TRMT44: variants seen among roughly 807,000 people sequenced by gnomAD.
TRMT44 encodes the protein tRNA methyltransferase 44 homolog.
A neutral mutation model predicts 77.3 loss-of-function variants in TRMT44; 78 were observed. The ratio of observed to expected loss-of-function variants is 1.01; its 90% CI spans 0.84 to 1.22. The LOEUF is 1.22. Ranked by LOEUF, TRMT44 falls within the 50% of genes most tolerant of loss-of-function variation. The probability of loss-of-function intolerance (pLI) is 0.00; values close to 1 mark genes in which losing one functional copy is unlikely to be tolerated. For synonymous variants in TRMT44, 391 were observed against 383.3 expected (o/e 1.02, Z -0.23); for missense variants, 1,090 against 964.4 (o/e 1.13, Z -1.73).
At chr4:8,482,359 C>CA (rs1266610216) in intron 2 of TRMT44, 1 of 152,288 alleles carries the variant, frequency 6.6e-6, no homozygotes, top group East Asian at 1.9e-4. Context: ...GGATGCCACT[C>CA]ACGCACACCT....
intron 6 of TRMT44, among the ~76,000 whole-genome samples, chr4:8,459,729 A>G (rs546658036): frequency 6.6e-6 from 1 of 152,320 alleles, no homozygotes; most frequent in East Asian, 1.9e-4. Flanking sequence ...AAACAGCTGT[A>G]CACATTTATC....
chr4:8,485,733 G>T (rs1343146044), intron 2 of TRMT44, among the ~76,000 whole-genome samples: 1 of 152,136 alleles, frequency 6.6e-6, no homozygotes, highest in Non-Finnish European at 1.5e-5. Flanking sequence ...AGATAATTTG[G>T]TTAAAATATC....
chr4:8,458,102 T>TCCAG lies in TRMT44; in HGVS notation c.1203+3290_1203+3293dup, dbSNP rs2095089774. On this transcript the variant is annotated intron_variant, in intron 6 of 10. Transcript: ENST00000389737. ...AGTGTGGCAGAAGGGCCCTGATTATTCCAGACTGCATTTGACTTCTTTTAT... is the reference window on the plus strand; with the variant it reads ...AGTGTGGCAGAAGGGCCCTGATTATTCCAGCCAGACTGCATTTGACTTCTTTTAT... Among the ~76,000 whole-genome samples, 7 of 152,336 alleles carry TCCAG rather than the reference T, an allele frequency of 4.6e-5. No homozygotes were observed. The South Asian group carries it at 1.2e-3, about 27-fold the overall frequency.
chr4:8,486,725 C>T (rs150659694), intron 2 of TRMT44, among the ~76,000 whole-genome samples: 1,842 of 152,112 alleles, frequency 0.012, 12 homozygotes, highest in Middle Eastern at 0.054. Flanking sequence ...CTTGACTATG[C>T]CTTTAGCTCC....
chr4:8,493,823 T>C (rs1036404563), downstream of TRMT44, among the ~76,000 whole-genome samples: 9 of 151,984 alleles, frequency 5.9e-5, no homozygotes, highest in Non-Finnish European at 5.9e-5. Flanking sequence ...TCTGGTGGAA[T>C]GGGACCTGCC....
chr4:8,482,952 C>G (rs1169377697), intron 2 of TRMT44, among the ~76,000 whole-genome samples: 2 of 151,740 alleles, frequency 1.3e-5, no homozygotes, highest in African/African-American at 4.9e-5. Context: ...TTTCTCAGGG[C>G]TGCTTCGAGT....
chr4:8,497,355 C>A (rs1021435684), downstream of TRMT44, among the ~76,000 whole-genome samples: 3 of 152,186 alleles, frequency 2.0e-5, 1 homozygote, highest in Admixed American at 2.0e-4. Context: ...TTATAAAAAC[C>A]CTGCTCTGGG....
At chr4:8,494,956 G>A (rs1357482), downstream of TRMT44, among the ~76,000 whole-genome samples, 9,063 of 152,276 alleles carry the variant, frequency 0.06, 494 homozygotes, top group African/African-American at 0.14. Flanking sequence ...CTGAAACATC[G>A]CGATGTAGTG....
At chr4:8,496,777 A>AT (rs11376419), downstream of TRMT44, among the ~76,000 whole-genome samples, 3,499 of 148,484 alleles carry the variant, frequency 0.024, 74 homozygotes, top group African/African-American at 0.055. Context: ...GAGTTCAGTG[A>AT]TTTTTTTTTT....
At position 8,441,674 on chromosome 4, in the gene TRMT44, G is replaced by A. The variant is rs570932856; in HGVS notation, c.619+233G>A. ...GCTTCAAAGAGACAGTGAAGGACTA[G>A]CTGGATATTGCGTAATACCTAGGAG... On this transcript the variant is annotated intron_variant, in intron 1 of 10. Transcript: ENST00000389737. Among the ~76,000 whole-genome samples, 132 of 152,312 alleles carry A rather than the reference G, an allele frequency of 8.7e-4. 1 individual carries two copies. The highest frequency in any genetic ancestry group is 3.1e-3 in the African/African-American group (130 of 41,570).
chr4:8,443,083 C>T (rs1291863479), intron 1 of TRMT44, among the ~76,000 whole-genome samples: 6 of 152,232 alleles, frequency 3.9e-5, no homozygotes, highest in Non-Finnish European at 8.8e-5. Context: ...ACATAGTCCC[C>T]TCTGATGGCT....
chr4:8,515,821 G>T, the TRMT44 span, among the ~76,000 whole-genome samples: 1 of 152,226 alleles, frequency 6.6e-6, no homozygotes, highest in Non-Finnish European at 1.5e-5. Context: ...CTGGTTCAGG[G>T]CTGTGCCCAC....
intron 8 of TRMT44, among the ~76,000 whole-genome samples, chr4:8,466,884 G>T (rs1005326805): frequency 6.6e-6 from 1 of 152,228 alleles, no homozygotes; most frequent in Non-Finnish European, 1.5e-5. Context: ...CTGGGTGTGT[G>T]ACAGGCACTG....
At chr4:8,503,295 G>A in the TRMT44 span, among the ~76,000 whole-genome samples, 8 of 152,230 alleles carry the variant, frequency 5.3e-5, no homozygotes, top group Admixed American at 2.6e-4. Context: ...CTACAGCCCC[G>A]GAAAGGGTGG....
chr4:8,468,183 A>C lies in TRMT44; in HGVS notation c.1764A>C (p.Gly588=), dbSNP rs1380239715. The part of the protein sequence containing the change: ...GPQAEGPWLP[G]FHPREKAERV... ...AGGCTGAAGGACCCTGGCTACCTGG[A>C]TTTCATCCCAGAGAAAAGGCTGAGC... Residue 588 remains glycine (G), a synonymous_variant, in exon 9 of 11, where the codon GGA becomes GGC. Transcript: ENST00000389737. 6 of 1,614,044 alleles carry C rather than the reference A, an allele frequency of 3.7e-6. No individual in the cohort carries two copies. Among genetic ancestry groups the C allele is most frequent in the Non-Finnish European group, 5.1e-6 (6 of 1,180,046 alleles).
chr4:8,466,436 G>A (rs1168747177), intron 8 of TRMT44, among the ~76,000 whole-genome samples: 1 of 152,238 alleles, frequency 6.6e-6, no homozygotes, highest in African/African-American at 2.4e-5. Flanking sequence ...AGCGGGGAGG[G>A]CATGTTGTGG....
Position 8,476,041 on chromosome 4 carries a change from A to T in TRMT44, c.*40A>T. Reference sequence around the variant, plus strand: ...AGCCGAGGCCTGGTTGGGGAGGCCAAACCAAGGAGAGCTTCCCCAGCAGTC... The same window carrying T: ...AGCCGAGGCCTGGTTGGGGAGGCCATACCAAGGAGAGCTTCCCCAGCAGTC... On this transcript the variant is annotated 3_prime_UTR_variant, in exon 11 of 11. Transcript: ENST00000389737. 1 of 1,588,624 alleles carries T rather than the reference A, an allele frequency of 6.3e-7. No homozygotes were observed. Among genetic ancestry groups the T allele is most frequent in the Non-Finnish European group, 8.6e-7 (1 of 1,161,666 alleles).
rs776369924 is a variant in TRMT44, at chr4:8,475,833, A to G, written c.2106A>G (p.Gln702=). Residue 702 remains glutamine (Q), a synonymous_variant, in exon 11 of 11, where the codon CAA becomes CAG. Coordinates refer to ENST00000389737, the MANE Select transcript of TRMT44 (RefSeq NM_152544.3). Reference sequence around the variant, plus strand: ...AGGAGACACTGTGGAAGACAAAGCAACCGGAAGCGAAACAGAGACTGCTCT... The same window carrying G: ...AGGAGACACTGTGGAAGACAAAGCAGCCGGAAGCGAAACAGAGACTGCTCT... The part of the protein sequence containing the change: ...WREETLWKTK[Q]PEAKQRLLSE... 9.3e-6 allele frequency: 15 copies of G among 1,614,198 alleles called. No individual in the cohort carries two copies. The highest frequency in any genetic ancestry group is 1.3e-5 in the Non-Finnish European group (15 of 1,180,036).
intron 2 of TRMT44, among the ~76,000 whole-genome samples, chr4:8,483,065 T>G (rs917308819): frequency 6.6e-6 from 1 of 152,032 alleles, no homozygotes; most frequent in Non-Finnish European, 1.5e-5. Flanking sequence ...AAACATTTGT[T>G]GTGTAGAATT....
Sources: allele counts gnomAD v4.1 joint callset (sites outside exome capture counted in the v4.1 genomes callset), GRCh38; gene constraint gnomAD v4.1.1; transcripts MANE v1.5; gene names NCBI Gene and HGNC (gene_info 2026-07-23, HGNC 2026-07-21).